Variants in SERPINE2 observed in about 807,000 individuals in gnomAD.
The protein encoded by SERPINE2 is glia-derived nexin.
Under a neutral mutation model 36.3 loss-of-function variants are expected in SERPINE2, and 14 were observed. The observed-to-expected ratio is 0.39, with a 90% CI of 0.25 to 0.60. The LOEUF is 0.60. Among genes scored for constraint, SERPINE2 ranks in the 20% least tolerant of loss-of-function variants. The pLI, the probability that SERPINE2 is intolerant of heterozygous loss-of-function variation, is 0.57. For synonymous variants in SERPINE2, 192 were observed against 191.8 expected (o/e 1.00, Z -0.01); for missense variants, 418 against 499.6 (o/e 0.84, Z 1.56).
intron 6 of SERPINE2, chr2:223,980,742 C>A (rs563779850): frequency 6.8e-4 from 141 of 206,194 alleles, no homozygotes; most frequent in African/African-American, 3.2e-3. Context: ...AGCAAGGCAA[C>A]AAGATTATTT....
intron 1 of SERPINE2, among the ~76,000 whole-genome samples, chr2:224,020,014 C>G (rs1355952790): frequency 6.6e-6 from 1 of 152,202 alleles, no homozygotes; most frequent in Non-Finnish European, 1.5e-5. Context: ...TTGGCAACCA[C>G]TATTACAGAG....
At chr2:223,993,530 ATGTGTG>A (rs36049464) in intron 3 of SERPINE2, among the ~76,000 whole-genome samples, 5,699 of 149,854 alleles carry the variant, frequency 0.038, 130 homozygotes, top group Non-Finnish European at 0.048. Flanking sequence ...GCTCAAATAT[ATGTGTG>A]TGTGTGTGTG....
intron 4 of SERPINE2, among the ~76,000 whole-genome samples, chr2:223,988,456 G>A (rs1384375411): frequency 6.6e-6 from 1 of 152,202 alleles, no homozygotes; most frequent in African/African-American, 2.4e-5. Context: ...ACAGGTGTGT[G>A]CCATGGTGCC....
chr2:223,994,265 A>G (rs935388364), intron 3 of SERPINE2, among the ~76,000 whole-genome samples: 1 of 152,186 alleles, frequency 6.6e-6, no homozygotes. Flanking sequence ...CTAGCACTAC[A>G]TGGAGCATAC....
intron 1 of SERPINE2, chr2:224,030,859 T>A: frequency 5.0e-6 from 3 of 598,404 alleles, no homozygotes; most frequent in Non-Finnish European, 6.3e-6. Context: ...TGTGTAAATC[T>A]CTCTACCTTC....
At chr2:224,025,288 C>T (rs185858705) in intron 1 of SERPINE2, among the ~76,000 whole-genome samples, 60 of 152,322 alleles carry the variant, frequency 3.9e-4, no homozygotes, top group African/African-American at 1.3e-3. Context: ...CCCCATTCCC[C>T]AGCTTTCACC....
intron 1 of SERPINE2, among the ~76,000 whole-genome samples, chr2:224,002,569 T>C (rs1250796018): frequency 1.3e-5 from 2 of 152,118 alleles, no homozygotes; most frequent in East Asian, 3.9e-4. Context: ...CTCGGCTCAC[T>C]GCAACCTCCG....
intron 4 of SERPINE2, among the ~76,000 whole-genome samples, chr2:223,991,495 C>T (rs1341512943): frequency 6.6e-6 from 1 of 152,206 alleles, no homozygotes; most frequent in Non-Finnish European, 1.5e-5. Flanking sequence ...CTCACTTATA[C>T]TCATTTCATG....
rs1692597053 is a variant in SERPINE2 at position 224,038,425 on chromosome 2, A to C, written c.-23+674T>G. ...TAATAGAAGCCTTCCTTCCCCGCTC[A>C]GTTTGTGGACACATTAAATGCCTAA... On this transcript the variant is annotated intron_variant, in intron 1 of 8. Transcript: ENST00000409304. The C allele has an allele frequency of 3.6e-6, 5 of 1,370,282 alleles. No homozygotes were observed. The South Asian group carries it at 5.0e-5, about 14-fold the overall frequency. The allele number at this position is 1,370,282 out of a possible 1,614,324, so 84.9% of individuals were successfully genotyped here.
chr2:224,005,069 A>G (rs1224592493), intron 1 of SERPINE2, among the ~76,000 whole-genome samples: 1 of 30,256 alleles, frequency 3.3e-5, no homozygotes, highest in African/African-American at 7.9e-5. Context: ...TATATATTAT[A>G]TATATATATA....
At chr2:224,030,841 T>A in intron 1 of SERPINE2, 1 of 430,450 alleles carries the variant, frequency 2.3e-6, no homozygotes, top group Non-Finnish European at 3.1e-6. Context: ...GTTATTCGCT[T>A]GGACTCTTGT....
At chr2:224,025,850 T>C (rs1020492658) in intron 1 of SERPINE2, among the ~76,000 whole-genome samples, 3 of 152,222 alleles carry the variant, frequency 2.0e-5, no homozygotes, top group Admixed American at 6.5e-5. Context: ...CACAGCATAT[T>C]AGTGATCGTG....
intron 1 of SERPINE2, among the ~76,000 whole-genome samples, chr2:224,002,301 A>AG (rs61242311): frequency 0.74 from 112,618 of 151,872 alleles, 41,760 homozygotes; most frequent in East Asian, 0.79. Flanking sequence ...GTACTCACCT[A>AG]GTATGCTTGA....
chr2:223,999,653 G>T (rs1045463633), intron 2 of SERPINE2, among the ~76,000 whole-genome samples: 1 of 152,220 alleles, frequency 6.6e-6, no homozygotes, highest in Admixed American at 6.5e-5. Context: ...CAATTCCAAG[G>T]CCAACTGCCA....
chr2:224,031,448 T>C, intron 1 of SERPINE2: 1 of 985,648 alleles, frequency 1.0e-6, no homozygotes, highest in Non-Finnish European at 1.2e-6. Flanking sequence ...AGCACGGTCC[T>C]CTCCACTCCC....
At chr2:224,034,845 ACAG>A (rs771816554) in intron 1 of SERPINE2, among the ~76,000 whole-genome samples, 5 of 152,188 alleles carry the variant, frequency 3.3e-5, no homozygotes, top group Non-Finnish European at 7.3e-5. Flanking sequence ...TGCTTTGTAA[ACAG>A]CAGGACTGTC....
chr2:223,977,077 G>A (rs1010613840), intron 8 of SERPINE2, among the ~76,000 whole-genome samples: 4 of 152,112 alleles, frequency 2.6e-5, no homozygotes, highest in African/African-American at 7.2e-5. Flanking sequence ...GTAATTGTGA[G>A]GTTCCTGAGG....
At chr2:224,005,065 T>TTATATATATATATATA (rs71058976) in intron 1 of SERPINE2, among the ~76,000 whole-genome samples, 48 of 33,544 alleles carry the variant, frequency 1.4e-3, no homozygotes, top group African/African-American at 3.0e-3. Context: ...TTTATATATA[T>TTATATATATATATATA]TATATATATA....
chr2:223,980,899 A>G (rs1690205168), intron 6 of SERPINE2: 1 of 154,412 alleles, frequency 6.5e-6, no homozygotes. Context: ...ACAGCCACTC[A>G]TCTCATGGGC....
Sources: gnomAD v4.1 joint callset for allele counts (sites outside exome capture counted in the v4.1 genomes callset) on GRCh38, gnomAD v4.1.1 for gene constraint, MANE v1.5 for transcripts, NCBI Gene and HGNC (gene_info 2026-07-23, HGNC 2026-07-21) for gene names.